PRKRIP1: variants seen among roughly 807,000 people sequenced by gnomAD.
PRKRIP1 encodes PRKR-interacting protein 1.
PRKRIP1 carries 29 observed loss-of-function variants against 29.3 expected under a neutral mutation model. The observed-to-expected ratio is 0.99, with a 90% CI of 0.74 to 1.35. The LOEUF is 1.35. Ranked by LOEUF, PRKRIP1 falls within the 40% of genes most tolerant of loss-of-function variation. PRKRIP1 has a pLI of 0.00. For synonymous variants in PRKRIP1, 90 were observed against 85.1 expected, an observed-to-expected ratio of 1.06 and a Z score of -0.32; for missense variants, 247 against 236.8, an observed-to-expected ratio of 1.04 and a Z score of -0.28.
chr7:102,408,643 T>C (rs1275949902), intron 5 of PRKRIP1, among the ~76,000 whole-genome samples: 1 of 152,212 alleles, frequency 6.6e-6, no homozygotes, highest in Non-Finnish European at 1.5e-5. Flanking sequence ...ATTCCATGCT[T>C]GACTGGATCT....
chr7:102,421,989 T>G (rs1480919398), intron 5 of PRKRIP1, among the ~76,000 whole-genome samples: 1 of 152,034 alleles, frequency 6.6e-6, no homozygotes, highest in South Asian at 2.1e-4. Context: ...TAAGCACTTA[T>G]GTGTGAATAA....
chr7:102,410,256 C>T (rs1399971693), intron 5 of PRKRIP1, among the ~76,000 whole-genome samples: 3 of 152,144 alleles, frequency 2.0e-5, no homozygotes, highest in Non-Finnish European at 4.4e-5. Context: ...CCTCTAGAGT[C>T]CCAGCTTTTC....
intron 5 of PRKRIP1, among the ~76,000 whole-genome samples, chr7:102,407,916 G>T (rs1246031664): frequency 6.6e-6 from 1 of 152,174 alleles, no homozygotes; most frequent in Non-Finnish European, 1.5e-5. Flanking sequence ...CCTAGCAAAA[G>T]TCTTTTTGTG....
chr7:102,398,727 G>C (rs888516314), intron 2 of PRKRIP1, among the ~76,000 whole-genome samples: 1 of 152,168 alleles, frequency 6.6e-6, no homozygotes, highest in African/African-American at 2.4e-5. Context: ...CCTAGTTAAA[G>C]TGAATGTCGC....
At position 102,425,240 on chromosome 7, in the gene PRKRIP1, C is replaced by G; in HGVS notation, c.*129C>G. Reference sequence around the variant, plus strand: ...TGGATGGAGAGCAAAGGAGACCCCTCCCGAGCCGCTCACAGTCCTGTATTT... The same window carrying G: ...TGGATGGAGAGCAAAGGAGACCCCTGCCGAGCCGCTCACAGTCCTGTATTT... On this transcript the variant is annotated 3_prime_UTR_variant, in exon 6 of 6. Coordinates refer to ENST00000397912, the MANE Select transcript of PRKRIP1 (RefSeq NM_024653.4). 6.6e-7 allele frequency: 1 copy of G among 1,514,910 alleles called. No homozygotes were observed. The highest frequency in any genetic ancestry group is 8.8e-7 in the Non-Finnish European group (1 of 1,136,694). 93.8% of individuals were successfully genotyped at this position (1,514,910 alleles called of 1,614,324 possible).
At chr7:102,401,946 G>A (rs1055281229) in intron 3 of PRKRIP1, among the ~76,000 whole-genome samples, 4 of 152,134 alleles carry the variant, frequency 2.6e-5, no homozygotes, top group Non-Finnish European at 5.9e-5. Context: ...AACAGAATGG[G>A]GTCATTGTTG....
intron 5 of PRKRIP1, among the ~76,000 whole-genome samples, chr7:102,419,457 G>C (rs1554573492): frequency 1.3e-5 from 2 of 152,122 alleles, no homozygotes; most frequent in Non-Finnish European, 2.9e-5. Context: ...TGTGCTGTAA[G>C]GTTCTGTGGA....
At chr7:102,414,388 ATTTTAT>A (rs1276127493) in intron 5 of PRKRIP1, among the ~76,000 whole-genome samples, 2 of 152,030 alleles carry the variant, frequency 1.3e-5, no homozygotes, top group African/African-American at 4.8e-5. Context: ...CATTTTGCTT[ATTTTAT>A]TTAACATTAT....
intron 5 of PRKRIP1, among the ~76,000 whole-genome samples, chr7:102,421,796 C>CAAAAAAAAA (rs781929946): frequency 8.0e-6 from 1 of 124,948 alleles, no homozygotes. Flanking sequence ...ACCCCGTCTC[C>CAAAAAAAAA]AAAAAAAAAA....
rs1374423797 is a variant in PRKRIP1, at chr7:102,423,263, C to CG, written c.458-1750dup. Reference sequence around the variant, plus strand: ...CCAAGTGGCTGGGATTACAGGCGCCCGCCACCACGCCTGGCTAATTTTTGT... The same window carrying CG: ...CCAAGTGGCTGGGATTACAGGCGCCCGGCCACCACGCCTGGCTAATTTTTGT... On this transcript the variant is annotated intron_variant, in intron 5 of 5. Transcript: ENST00000397912. 9.8e-6 allele frequency: 4 copies of CG among 409,450 alleles called. No homozygotes were observed. The East Asian group carries it at 3.0e-4, about 30-fold the overall frequency. The allele number at this position is 409,450 out of a possible 1,614,324, so 25.4% of individuals were successfully genotyped here. A position where few individuals can be genotyped will look rare whatever the true frequency, so the allele number is the denominator to read the frequency against.
intron 3 of PRKRIP1, 117 bp downstream of exon 3, chr7:102,399,765 C>T: frequency 1.4e-6 from 1 of 734,590 alleles, no homozygotes; most frequent in East Asian, 2.7e-5. Flanking sequence ...AATCCCAGCA[C>T]TTTGGAAGGC....
intron 5 of PRKRIP1, among the ~76,000 whole-genome samples, chr7:102,418,215 A>C (rs1310764788): frequency 6.6e-6 from 1 of 150,944 alleles, no homozygotes; most frequent in Non-Finnish European, 1.5e-5. Context: ...ACACTCAGCT[A>C]ATTTTTGTAT....
chr7:102,401,143 C>A (rs1480119295), intron 3 of PRKRIP1, among the ~76,000 whole-genome samples: 1 of 151,988 alleles, frequency 6.6e-6, no homozygotes, highest in Admixed American at 6.6e-5. Context: ...ATAATTTTCC[C>A]CATTTTATAG....
chr7:102,402,788 C>G (rs1399315726), intron 3 of PRKRIP1, among the ~76,000 whole-genome samples: 1 of 152,124 alleles, frequency 6.6e-6, no homozygotes, highest in Admixed American at 6.6e-5. Context: ...GAGACATTGC[C>G]TCTGCCAGGT....
At chr7:102,423,243 T>A (rs1442576785) in intron 5 of PRKRIP1, 2 of 421,074 alleles carry the variant, frequency 4.7e-6, no homozygotes, top group Non-Finnish European at 9.6e-6. Flanking sequence ...GCCTCCCAAG[T>A]GGCTGGGATT....
intron 5 of PRKRIP1, among the ~76,000 whole-genome samples, chr7:102,409,096 C>T (rs1554572249): frequency 6.6e-6 from 1 of 152,088 alleles, no homozygotes; most frequent in Non-Finnish European, 1.5e-5. Context: ...ATTGCTTGAA[C>T]CTGGGAGGCA....
intron 5 of PRKRIP1, among the ~76,000 whole-genome samples, chr7:102,421,455 C>T (rs539822931): frequency 6.0e-5 from 9 of 151,052 alleles, no homozygotes; most frequent in East Asian, 5.9e-4. Context: ...TACGGTGAGC[C>T]GTGATCACAC....
chr7:102,410,609 G>A lies in PRKRIP1; in HGVS notation c.457+3111G>A, dbSNP rs954199798. Among the ~76,000 whole-genome samples the A allele has an allele frequency of 1.1e-4, 17 of 152,212 alleles. No individual in the cohort carries two copies. In the East Asian group the frequency reaches 2.9e-3, roughly 26 times the overall value. Reference sequence around the variant, plus strand: ...CCCTCAGATCTGGGGAGAGGGAGACGGGAAATTAAAACTCACAGAACTCAC... The same window carrying A: ...CCCTCAGATCTGGGGAGAGGGAGACAGGAAATTAAAACTCACAGAACTCAC... On this transcript the variant is annotated intron_variant, in intron 5 of 5. Transcript: ENST00000397912.
At chr7:102,397,729 T>C in intron 2 of PRKRIP1, 31 bp downstream of exon 2, 1 of 1,579,880 alleles carries the variant, frequency 6.3e-7, no homozygotes, top group South Asian at 1.1e-5. Context: ...TGTGTGTGTG[T>C]GTGTGTGTAA....
Sources: gnomAD v4.1 joint callset for allele counts (sites outside exome capture counted in the v4.1 genomes callset) on GRCh38, gnomAD v4.1.1 for gene constraint, MANE v1.5 for transcripts, NCBI Gene and HGNC (gene_info 2026-07-23, HGNC 2026-07-21) for gene names.